CFAP91: variants seen among roughly 807,000 people sequenced by gnomAD.
CFAP91 encodes the protein cilia- and flagella-associated protein 91.
Under a neutral mutation model 95.9 loss-of-function variants are expected in CFAP91, and 85 were observed. That is an observed-to-expected ratio of 0.89 (90% CI 0.74 to 1.06). The LOEUF (loss-of-function observed/expected upper bound fraction) is 1.06. CFAP91 is among the 50% of genes least tolerant of loss of function. CFAP91 has a pLI of 0.00. For missense variants in CFAP91, 962 were observed against 943.4 expected (o/e 1.02, Z -0.26); for synonymous variants, 335 against 327.5 (o/e 1.02, Z -0.25).
rs139306874 is a variant in CFAP91, at chr3:119,725,580, C to T, written c.683-591C>T. Among the ~76,000 whole-genome samples the T allele has an allele frequency of 4.6e-3, 694 of 152,154 alleles. 25 individuals are homozygous for T. The highest frequency in any genetic ancestry group is 0.042 in the Admixed American group (636 of 15,282). On this transcript the variant is annotated intron_variant, in intron 6 of 17. Coordinates refer to ENST00000273390, the MANE Select transcript of CFAP91 (RefSeq NM_033364.4). ...ACCAGCCTGGGCAACATGGTGAAAC[C>T]TTGTCTCTACAAAAAAATAAAAATA...
At chr3:119,724,150 A>G (rs534527374) in intron 6 of CFAP91, among the ~76,000 whole-genome samples, 5 of 150,546 alleles carry the variant, frequency 3.3e-5, no homozygotes, top group African/African-American at 9.8e-5. Flanking sequence ...CCTGGGTGAC[A>G]AGAGCAAGAC....
chr3:119,732,343 G>A lies in CFAP91; in HGVS notation c.1068G>A (p.Glu356=), dbSNP rs746192816. The A allele has an allele frequency of 3.7e-6, 6 of 1,611,400 alleles. No individual in the cohort carries two copies. The highest frequency in any genetic ancestry group is 2.2e-5 in the South Asian group (2 of 90,592). ...GKRKNIEGKL[E]RRNIIKDYSD... is the part of the protein sequence containing the mutation. ...GAAAGAATATAGAAGGGAAGTTGGAGAGAAGAAATATCATCAAGGATTATT... is the reference window on the plus strand; with the variant it reads ...GAAAGAATATAGAAGGGAAGTTGGAAAGAAGAAATATCATCAAGGATTATT... Residue 356 remains glutamate (E), a synonymous_variant, in exon 9 of 18, where the codon GAG becomes GAA. Coordinates refer to ENST00000273390, the MANE Select transcript of CFAP91 (RefSeq NM_033364.4).
chr3:119,727,362 T>C (rs2107880741), intron 7 of CFAP91, among the ~76,000 whole-genome samples: 1 of 152,340 alleles, frequency 6.6e-6, no homozygotes, highest in Admixed American at 6.5e-5. Context: ...TACCCAATCC[T>C]GTTGGCAGAA....
intron 8 of CFAP91, 139 bp downstream of exon 8, chr3:119,730,516 T>C (rs1302444538): frequency 3.5e-5 from 29 of 819,300 alleles, no homozygotes; most frequent in Non-Finnish European, 5.0e-5. Context: ...GATGAGTTAT[T>C]TCTTAAAGGT....
chr3:119,739,876 T>A (rs1193478809), intron 12 of CFAP91, among the ~76,000 whole-genome samples: 1 of 152,178 alleles, frequency 6.6e-6, no homozygotes, highest in Non-Finnish European at 1.5e-5. Context: ...GTAATCTGAG[T>A]CTGAGGGAGA....
Position 119,733,425 on chromosome 3 carries a change from A to G in CFAP91, c.1263A>G (p.Pro421=), listed in dbSNP as rs1290638109. The G allele has an allele frequency of 1.2e-6, 2 of 1,614,176 alleles. No homozygotes were observed. Among genetic ancestry groups the G allele is most frequent in the Admixed American group, 1.7e-5 (1 of 60,024 alleles). The part of the protein sequence containing the change: ...DFVTQPQIRA[P]KPKVITTKAG... ...TGACACAACCCCAAATCAGAGCTCC[A>G]AAACCTAAAGTCATTACCACCAAAG... Residue 421 remains proline, a synonymous_variant, in exon 10 of 18, where the codon CCA becomes CCG. Transcript: ENST00000273390.
In CFAP91 at chr3:119,707,675, A is replaced by C. The variant is rs1434326594; in HGVS notation, c.359+114A>C. ...AGTTGTGGTGTTATACCTAGGCCAA[A>C]TTTTCTTTCTAAACCTCTTTTGACC... is the stretch of plus-strand genomic sequence containing the variant. On this transcript the variant is annotated intron_variant, in intron 3 of 17. Coordinates refer to ENST00000273390, the MANE Select transcript of CFAP91 (RefSeq NM_033364.4). 5.6e-6 allele frequency: 5 copies of C among 888,626 alleles called. No individual in the cohort carries two copies. In the African/African-American group the frequency reaches 8.4e-5, roughly 15 times the overall value. 55.0% of individuals were successfully genotyped at this position (888,626 alleles called of 1,614,324 possible).
chr3:119,750,634 C>T, intron 16 of CFAP91: 1 of 377,276 alleles, frequency 2.7e-6, no homozygotes, highest in East Asian at 5.5e-5. Context: ...AGTGGTAAAT[C>T]TGGGCTGATG....
At chr3:119,738,332 C>T (rs368812718) in intron 11 of CFAP91, among the ~76,000 whole-genome samples, 763 of 23,064 alleles carry the variant, frequency 0.033, 12 homozygotes, top group Non-Finnish European at 0.062. Flanking sequence ...GACATATTGT[C>T]TTTTTTTTTT....
chr3:119,732,644 G>A (rs2053924979), intron 9 of CFAP91, among the ~76,000 whole-genome samples, 168 bp downstream of exon 9: 1 of 152,016 alleles, frequency 6.6e-6, no homozygotes, highest in Non-Finnish European at 1.5e-5. Context: ...ATAAATAAAT[G>A]GACACACTAT....
At chr3:119,725,115 G>A (rs1222697789) in intron 6 of CFAP91, among the ~76,000 whole-genome samples, 1 of 152,170 alleles carries the variant, frequency 6.6e-6, no homozygotes, top group African/African-American at 2.4e-5. Flanking sequence ...AACAAAGGTT[G>A]GCTTATTGTG....
intron 6 of CFAP91, among the ~76,000 whole-genome samples, chr3:119,724,541 T>A (rs1246779030): frequency 6.6e-6 from 1 of 152,148 alleles, no homozygotes; most frequent in Admixed American, 6.6e-5. Flanking sequence ...TATATATACA[T>A]ATATACACAT....
At chr3:119,746,827 T>C (rs971580565) in intron 14 of CFAP91, among the ~76,000 whole-genome samples, 2 of 152,204 alleles carry the variant, frequency 1.3e-5, no homozygotes, top group African/African-American at 4.8e-5. Flanking sequence ...ACCAGCGTTA[T>C]TGACTCTGAA....
At chr3:119,755,813 G>C (rs1265681452) in intron 17 of CFAP91, among the ~76,000 whole-genome samples, 1 of 152,148 alleles carries the variant, frequency 6.6e-6, no homozygotes, top group Non-Finnish European at 1.5e-5. Flanking sequence ...AGAAATTCCA[G>C]AATTTAAAAA....
rs142545565 is a variant in CFAP91, at chr3:119,744,107, C to A, written c.1813C>A (p.Arg605Ser). 2.5e-6 allele frequency: 4 copies of A among 1,614,108 alleles called. No homozygotes were observed. The Admixed American group carries it at 6.7e-5, about 27-fold the overall frequency. ...CCATGCCTTTGTCATGCTGGCTGAG[C>A]GCCAGCGGCGGGTACGAGAGGCTGA... ...RIHAFVMLAE[R>S]QRRVREAEES... The change falls in exon 14 of 18, where the codon CGC (arginine) becomes AGC (serine). Residue 605 changes from arginine (R) to serine (S), a missense_variant. Transcript: ENST00000273390.
At chr3:119,728,383 G>C (rs1000879209) in intron 7 of CFAP91, among the ~76,000 whole-genome samples, 1 of 152,118 alleles carries the variant, frequency 6.6e-6, no homozygotes, top group Non-Finnish European at 1.5e-5. Context: ...GTCAGAACCT[G>C]CCCTCCAGAT....
intron 8 of CFAP91, among the ~76,000 whole-genome samples, chr3:119,730,718 C>G (rs1220737108): frequency 6.7e-6 from 1 of 149,874 alleles, no homozygotes; most frequent in Non-Finnish European, 1.5e-5. Context: ...TGTTTCTTAC[C>G]CTTTCTTCAT....
intron 6 of CFAP91, among the ~76,000 whole-genome samples, chr3:119,718,022 C>T (rs886320899): frequency 8.5e-5 from 13 of 152,146 alleles, no homozygotes; most frequent in Admixed American, 1.3e-4. Flanking sequence ...AGTAGCCACT[C>T]GCAGGTCAAG....
Position 119,704,190 on chromosome 3 carries a change from G to A in CFAP91, c.124+968G>A, listed in dbSNP as rs143729246. Among the ~76,000 whole-genome samples, 22 of 151,906 alleles carry A rather than the reference G, an allele frequency of 1.4e-4. No homozygotes were observed. In the East Asian group the frequency reaches 3.9e-3, roughly 27 times the overall value. On this transcript the variant is annotated intron_variant, in intron 1 of 17. Transcript: ENST00000273390. Reference sequence around the variant, plus strand: ...ACACATCACCATGTTTTTTTTTCACGGGTAATTTGAGAAGGAGGACAAACA... The same window carrying A: ...ACACATCACCATGTTTTTTTTTCACAGGTAATTTGAGAAGGAGGACAAACA...
Sources: gnomAD v4.1 joint callset for allele counts (sites outside exome capture counted in the v4.1 genomes callset) on GRCh38, gnomAD v4.1.1 for gene constraint, MANE v1.5 for transcripts, NCBI Gene and HGNC (gene_info 2026-07-23, HGNC 2026-07-21) for gene names.